C16orf96: variants seen among roughly 807,000 people sequenced by gnomAD.
C16orf96 encodes the protein uncharacterized protein C16orf96.
Under a neutral mutation model 103.6 loss-of-function variants are expected in C16orf96, and 108 were observed. The ratio of observed to expected loss-of-function variants is 1.04; its 90% CI spans 0.89 to 1.22. The LOEUF is 1.22. Ranked by LOEUF, C16orf96 falls within the 50% of genes most tolerant of loss-of-function variation. C16orf96 has a pLI of 0.00. For missense variants in C16orf96, 1,586 were observed against 1,464.2 expected (o/e 1.08, Z -1.36); for synonymous variants, 566 against 593.5 (o/e 0.95, Z 0.67).
chr16:4,542,521 G>T, the C16orf96 span, among the ~76,000 whole-genome samples: 1 of 152,138 alleles, frequency 6.6e-6, no homozygotes, highest in Non-Finnish European at 1.5e-5. Context: ...TATCAGCCAG[G>T]CGCAGTGGCT....
At position 4,576,384 on chromosome 16, in the gene C16orf96, C is replaced by T. The variant is rs2141722532; in HGVS notation, c.1904C>T (p.Ser635Phe). ...GAGPSRGATE[S>F]QILGDDSEIY... The stretch of plus-strand genomic sequence containing the variant: ...GGGCCTTCCCGGGGAGCCACAGAAT[C>T]CCAGATCTTGGGCGATGATTCCGAA... Residue 635 changes from serine (S) to phenylalanine (F), a missense_variant, in exon 5 of 16, where the codon TCC (serine) becomes TTC (phenylalanine). Transcript: ENST00000444310. 1 of 1,551,068 alleles carries T rather than the reference C, an allele frequency of 6.4e-7. No individual in the cohort carries two copies. The highest frequency in any genetic ancestry group is 8.7e-7 in the Non-Finnish European group (1 of 1,147,010).
At chr16:4,588,029 C>T in intron 8 of C16orf96, 138 bp from the exon 9 acceptor site, 3 of 763,260 alleles carry the variant, frequency 3.9e-6, no homozygotes, top group Non-Finnish European at 6.1e-6. Context: ...CCACGTAGAC[C>T]CCAGGGTTGC....
chr16:4,564,783 C>T (rs1195283515), intron 1 of C16orf96, among the ~76,000 whole-genome samples: 2 of 152,184 alleles, frequency 1.3e-5, no homozygotes, highest in Non-Finnish European at 2.9e-5. Context: ...TGCACTCCAG[C>T]CTGAGCGACA....
intron 1 of C16orf96, among the ~76,000 whole-genome samples, chr16:4,565,679 G>C (rs1034575517): frequency 2.0e-5 from 3 of 152,084 alleles, no homozygotes; most frequent in Non-Finnish European, 4.4e-5. Flanking sequence ...CGTAGAGACG[G>C]GGTTTTACCA....
At chr16:4,551,926 C>T (rs758884181), upstream of C16orf96, among the ~76,000 whole-genome samples, 10 of 152,154 alleles carry the variant, frequency 6.6e-5, no homozygotes, top group South Asian at 2.1e-4. Context: ...CCCCACCCCA[C>T]GACAGGCCCC....
chr16:4,576,125 C>T lies in C16orf96; in HGVS notation c.1645C>T (p.Pro549Ser). The change falls in exon 5 of 16, where the codon CCC becomes TCC. Residue 549 changes from proline to serine, a missense_variant. Physicochemically the swap from Pro to Ser is moderately conservative, Grantham distance 74 (BLOSUM62 -1). Coordinates refer to ENST00000444310, the MANE Select transcript of C16orf96 (RefSeq NM_001145011.2). The stretch of plus-strand genomic sequence containing the variant: ...GGATAGAGTTGGCAAGGATGGGGCC[C>T]CCAAGGAAGCACAGCCTAAGGCTCC... Reference protein sequence around the residue: ...PKDRVGKDGAPKEAQPKAPQS... With the variant: ...PKDRVGKDGASKEAQPKAPQS... 6.4e-7 allele frequency: 1 copy of T among 1,551,532 alleles called. No individual in the cohort carries two copies. The highest frequency in any genetic ancestry group is 8.7e-7 in the Non-Finnish European group (1 of 1,146,988).
At chr16:4,555,680 T>G (rs1388488539), upstream of C16orf96, among the ~76,000 whole-genome samples, 11 of 151,310 alleles carry the variant, frequency 7.3e-5, no homozygotes, top group Non-Finnish European at 1.6e-4. Flanking sequence ...CTTTTCTCTT[T>G]TCTTTTTCTT....
intron 2 of C16orf96, among the ~76,000 whole-genome samples, chr16:4,573,549 G>A (rs977915153): frequency 1.3e-5 from 2 of 150,992 alleles, no homozygotes; most frequent in African/African-American, 2.4e-5. Context: ...TCAGGAGATC[G>A]AGACCATCCT....
Position 4,575,488 on chromosome 16 carries a change from A to G in C16orf96, c.1008A>G (p.Pro336=), listed in dbSNP as rs1215738874. ...PGPAPGTEPV[P]GLELGLELEP... ...CTGCACCTGGGACTGAACCTGTGCC[A>G]GGACTGGAGCTGGGGCTGGAGCTGG... Residue 336 remains proline, a synonymous_variant, in exon 5 of 16, where the codon CCA becomes CCG. Coordinates refer to ENST00000444310, the MANE Select transcript of C16orf96 (RefSeq NM_001145011.2). 1.3e-6 allele frequency: 2 copies of G among 1,547,852 alleles called. No individual in the cohort carries two copies. The highest frequency in any genetic ancestry group is 1.7e-6 in the Non-Finnish European group (2 of 1,146,830).
chr16:4,578,834 C>T, intron 5 of C16orf96, 106 bp from the exon 6 acceptor site: 2 of 679,240 alleles, frequency 2.9e-6, no homozygotes, highest in South Asian at 2.2e-5. Context: ...TGCATTTCCA[C>T]TGGGCAGTGC....
At chr16:4,589,766 TAATAA>T (rs1463436757) in intron 9 of C16orf96, among the ~76,000 whole-genome samples, 2 of 152,208 alleles carry the variant, frequency 1.3e-5, no homozygotes, top group African/African-American at 2.4e-5. Context: ...TGTGGTTATA[TAATAA>T]AATGTTATCA....
upstream of C16orf96, among the ~76,000 whole-genome samples, chr16:4,553,125 G>T (rs2059237923): frequency 6.6e-6 from 1 of 152,110 alleles, no homozygotes; most frequent in South Asian, 2.1e-4. Context: ...GAGCCTCCTT[G>T]GGTTACCTTT....
At chr16:4,583,658 C>T (rs1237477524) in intron 7 of C16orf96, among the ~76,000 whole-genome samples, 1 of 151,924 alleles carries the variant, frequency 6.6e-6, no homozygotes, top group South Asian at 2.1e-4. Flanking sequence ...CATGGTGGCT[C>T]ACACTTGTAA....
Position 4,600,426 on chromosome 16 carries a change from C to T in C16orf96, c.*109C>T. 1 of 753,556 alleles carries T rather than the reference C, an allele frequency of 1.3e-6. No individual in the cohort carries two copies. The highest frequency in any genetic ancestry group is 2.2e-6 in the Non-Finnish European group (1 of 461,164). The allele number at this position is 753,556 out of a possible 1,614,324, so 46.7% of individuals were successfully genotyped here. A position where few individuals can be genotyped will look rare whatever the true frequency, so the allele number is the denominator to read the frequency against. ...TCCCCTCCACATCGGAGGCTGAGGC[C>T]TATGTGGCCCCCCACCCCCACCCCC... On this transcript the variant is annotated 3_prime_UTR_variant, in exon 16 of 16. Coordinates refer to ENST00000444310, the MANE Select transcript of C16orf96 (RefSeq NM_001145011.2).
chr16:4,593,177 C>G lies in C16orf96; in HGVS notation c.2775-47C>G, dbSNP rs1401605760. On this transcript the variant is annotated intron_variant, in intron 11 of 15. Coordinates refer to ENST00000444310, the MANE Select transcript of C16orf96 (RefSeq NM_001145011.2). This position sits in a 1 kb window ranked among gnomAD's most constrained non-coding sequence, Gnocchi z 4.2. Reference sequence around the variant, plus strand: ...GGGTGGGAGACGAGCCCTCTGCTGGCCTAGCACGCCTCCCACAGCCCCTGC... The same window carrying G: ...GGGTGGGAGACGAGCCCTCTGCTGGGCTAGCACGCCTCCCACAGCCCCTGC... 1 of 1,521,836 alleles carries G rather than the reference C, an allele frequency of 6.6e-7. No individual in the cohort carries two copies. The highest frequency in any genetic ancestry group is 8.9e-7 in the Non-Finnish European group (1 of 1,121,254). The allele number at this position is 1,521,836 out of a possible 1,614,324, so 94.3% of individuals were successfully genotyped here.
Position 4,579,003 on chromosome 16 carries a change from G to A in C16orf96, c.2219G>A (p.Ser740Asn), listed in dbSNP as rs1457481594. Residue 740 changes from serine (S) to asparagine (N), a missense_variant, in exon 6 of 16, where the codon AGC becomes AAC. By Grantham distance (46) the Ser-to-Asn change is conservative. Coordinates refer to ENST00000444310, the MANE Select transcript of C16orf96 (RefSeq NM_001145011.2). ...TVDILQKKIGSLQKSRLKEEE... is the reference protein window; with the variant it reads ...TVDILQKKIGNLQKSRLKEEE... ...GACATATTGCAGAAAAAGATTGGCAGCCTCCAGAAATCTAGGCTCAAGGTT... is the reference window on the plus strand; with the variant it reads ...GACATATTGCAGAAAAAGATTGGCAACCTCCAGAAATCTAGGCTCAAGGTT... The A allele has an allele frequency of 2.1e-5, 32 of 1,551,394 alleles. No homozygotes were observed. The highest frequency in any genetic ancestry group is 2.5e-5 in the Non-Finnish European group (29 of 1,146,916).
chr16:4,591,208 AAAAT>A lies in C16orf96; in HGVS notation c.2593-444_2593-441del, dbSNP rs965405653. On this transcript the variant is annotated intron_variant, in intron 9 of 15. Transcript: ENST00000444310. The stretch of plus-strand genomic sequence containing the variant: ...TCTCAAAAATAAATAAATAAAATTA[AAAAT>A]AAATAAATAAATACGATTGATTATG... 1.1e-4 allele frequency among the ~76,000 whole-genome samples: 17 copies of A among 151,832 alleles called. No homozygotes were observed. The East Asian group carries it at 1.9e-3, about 17-fold the overall frequency.
At position 4,599,315 on chromosome 16, in the gene C16orf96, C is replaced by A; in HGVS notation, c.3159C>A (p.Ser1053Arg). The A allele has an allele frequency of 6.4e-7, 1 of 1,551,656 alleles. No individual in the cohort carries two copies. The highest frequency in any genetic ancestry group is 1.2e-5 in the South Asian group (1 of 84,066). ...AGGCTCCATCTCCCCCGTCACAAAG[C>A]CTGTATGACCGTGTGCACTCCAGTG... ...AVKAPSPPSQ[S>R]LYDRVHSSAL... Residue 1053 changes from serine to arginine, a missense_variant, in exon 15 of 16, where the codon AGC (serine) becomes AGA (arginine). Ser to Arg is a moderately radical substitution (Grantham distance 110). Coordinates refer to ENST00000444310, the MANE Select transcript of C16orf96 (RefSeq NM_001145011.2).
Position 4,575,614 on chromosome 16 carries a change from C to G in C16orf96, c.1134C>G (p.Ala378=). 4.0e-6 allele frequency: 6 copies of G among 1,515,254 alleles called. No homozygotes were observed. Among genetic ancestry groups the G allele is most frequent in the Non-Finnish European group, 4.4e-6 (5 of 1,131,386 alleles). 93.9% of individuals were successfully genotyped at this position (1,515,254 alleles called of 1,614,324 possible). Residue 378 remains alanine (A), a synonymous_variant, in exon 5 of 16, where the codon GCC becomes GCG. Coordinates refer to ENST00000444310, the MANE Select transcript of C16orf96 (RefSeq NM_001145011.2). The stretch of plus-strand genomic sequence containing the variant: ...TTGGACCTGTGCCTGCCCCAGGTGC[C>G]CAGCCTCCACCACTGGGAGACTGGC... ...PVLGPVPAPG[A]QPPPLGDWPA...
Sources: gnomAD v4.1 joint callset for allele counts (sites outside exome capture counted in the v4.1 genomes callset) on GRCh38, gnomAD v4.1.1 for gene constraint, Gnocchi (gnomAD v3.1) non-coding constraint, MANE v1.5 for transcripts, NCBI Gene and HGNC (gene_info 2026-07-23, HGNC 2026-07-21) for gene names.